Variants in ADGRB3 observed in about 807,000 individuals in gnomAD.
The protein encoded by ADGRB3 is adhesion G protein-coupled receptor B3.
A neutral mutation model predicts 193.4 loss-of-function variants in ADGRB3; 37 were observed. That is an observed-to-expected ratio of 0.19 (90% confidence interval 0.15 to 0.25). ADGRB3 has a LOEUF of 0.25. ADGRB3 is among the 10% of genes least tolerant of loss of function. The pLI is 1.00. For synonymous variants in ADGRB3, 690 were observed against 644.2 expected, an observed-to-expected ratio of 1.07 and a Z score of -1.08; for missense variants, 1,637 against 1,852.9, an observed-to-expected ratio of 0.88 and a Z score of 2.14.
chr6:69,368,028 G>A (rs1272984529), intron 29 of ADGRB3, among the ~76,000 whole-genome samples: 1 of 150,856 alleles, frequency 6.6e-6, no homozygotes, highest in Non-Finnish European at 1.5e-5. Context: ...ACAGCATTGG[G>A]AGATATACCT....
chr6:68,916,808 G>T (rs1766890878), intron 3 of ADGRB3, among the ~76,000 whole-genome samples: 1 of 152,156 alleles, frequency 6.6e-6, no homozygotes, highest in South Asian at 2.1e-4. Flanking sequence ...TTAGAGCATG[G>T]TATGAAAGAT....
chr6:68,703,390 T>C (rs1298803308), intron 3 of ADGRB3, among the ~76,000 whole-genome samples: 1 of 152,168 alleles, frequency 6.6e-6, no homozygotes, highest in Non-Finnish European at 1.5e-5. Context: ...TTTTGAAATT[T>C]TGAGCGTATC....
intron 17 of ADGRB3, among the ~76,000 whole-genome samples, chr6:69,186,557 AAAG>A (rs942209433): frequency 2.8e-4 from 42 of 152,268 alleles, no homozygotes; most frequent in African/African-American, 5.3e-4. Flanking sequence ...AAGAAAAAAA[AAAG>A]AAGAAGAAAA....
intron 17 of ADGRB3, among the ~76,000 whole-genome samples, chr6:69,181,283 A>G (rs1037659794): frequency 6.6e-6 from 1 of 151,632 alleles, no homozygotes; most frequent in African/African-American, 2.4e-5. Flanking sequence ...TCTAATCACT[A>G]TCTTGAAAAA....
chr6:68,841,247 A>G (rs1046562248), intron 3 of ADGRB3, among the ~76,000 whole-genome samples: 9 of 152,194 alleles, frequency 5.9e-5, no homozygotes. Context: ...GATAGAACAC[A>G]TGGACCTAAT....
At chr6:68,789,029 A>C (rs1767041394) in intron 3 of ADGRB3, among the ~76,000 whole-genome samples, 1 of 151,652 alleles carries the variant, frequency 6.6e-6, no homozygotes, top group Non-Finnish European at 1.5e-5. Flanking sequence ...CCATCCCTTT[A>C]TTTTGAGCCT....
chr6:69,232,506 G>T (rs1387961921), intron 17 of ADGRB3: 1 of 1,535,424 alleles, frequency 6.5e-7, no homozygotes, highest in African/African-American at 1.4e-5. Flanking sequence ...TCCTCTGAAT[G>T]TTCTAGCGGA....
At chr6:69,167,227 G>A (rs937514905) in intron 17 of ADGRB3, among the ~76,000 whole-genome samples, 3 of 152,122 alleles carry the variant, frequency 2.0e-5, no homozygotes, top group Non-Finnish European at 2.9e-5. Flanking sequence ...AGTATAGAGA[G>A]AAATGGTCTA....
intron 6 of ADGRB3, among the ~76,000 whole-genome samples, chr6:68,955,324 C>G (rs1279039524): frequency 6.6e-6 from 1 of 152,194 alleles, no homozygotes; most frequent in Non-Finnish European, 1.5e-5. Flanking sequence ...ATTGATTTAT[C>G]TAGCATGTAA....
intron 3 of ADGRB3, among the ~76,000 whole-genome samples, chr6:68,882,980 G>A (rs1582280847): frequency 6.6e-6 from 1 of 152,040 alleles, no homozygotes; most frequent in East Asian, 1.9e-4. Context: ...TGCAAGCTCT[G>A]CTTCCTGGGT....
rs374234790 is a variant in ADGRB3 at position 69,256,819 on chromosome 6, T to A, written c.2814+17593T>A. Among the ~76,000 whole-genome samples the A allele has an allele frequency of 2.4e-4, 36 of 152,338 alleles. No homozygotes were observed. The South Asian group carries it at 3.5e-3, about 15-fold the overall frequency. ...GAATGCTTCCAGTTTTTGCCCATTC[T>A]GTATGATATTGGCTGTGGGTTTATC... On this transcript the variant is annotated intron_variant, in intron 20 of 31. Coordinates refer to ENST00000370598, the MANE Select transcript of ADGRB3 (RefSeq NM_001704.3).
intron 3 of ADGRB3, among the ~76,000 whole-genome samples, chr6:68,660,309 ATCTT>A (rs1464985919): frequency 1.3e-5 from 2 of 150,052 alleles, no homozygotes; most frequent in African/African-American, 4.9e-5. Context: ...TTTTTAGTGA[ATCTT>A]TTTTATGTAT....
chr6:69,189,420 T>C (rs1214866273), intron 17 of ADGRB3, among the ~76,000 whole-genome samples: 1 of 152,222 alleles, frequency 6.6e-6, no homozygotes, highest in African/African-American at 2.4e-5. Flanking sequence ...AGATTTTGAA[T>C]CAGTGATGAA....
At chr6:68,878,559 T>C (rs1459790512) in intron 3 of ADGRB3, among the ~76,000 whole-genome samples, 1 of 152,244 alleles carries the variant, frequency 6.6e-6, no homozygotes, top group African/African-American at 2.4e-5. Context: ...TCAGTATCTA[T>C]AAACATCCTT....
chr6:68,940,621 C>T (rs752342308), intron 5 of ADGRB3, among the ~76,000 whole-genome samples: 5 of 125,604 alleles, frequency 4.0e-5, no homozygotes, highest in South Asian at 2.8e-4. Flanking sequence ...AAAACCTAGC[C>T]GGGTGCGGTG....
intron 10 of ADGRB3, among the ~76,000 whole-genome samples, chr6:68,981,845 G>GTTATTTCT (rs1554232929): frequency 7.2e-6 from 1 of 139,662 alleles, no homozygotes; most frequent in Non-Finnish European, 1.6e-5. Flanking sequence ...TACCTATTTT[G>GTTATTTCT]TTATTTATTT....
intron 3 of ADGRB3, among the ~76,000 whole-genome samples, chr6:68,833,225 G>T (rs1767986080): frequency 6.6e-6 from 1 of 151,810 alleles, no homozygotes; most frequent in South Asian, 2.1e-4. Context: ...TTTTAATAAA[G>T]TTATTTTTAA....
intron 3 of ADGRB3, among the ~76,000 whole-genome samples, chr6:68,799,238 G>A (rs1416128530): frequency 1.3e-5 from 2 of 152,110 alleles, no homozygotes; most frequent in African/African-American, 4.8e-5. Flanking sequence ...CTGTAACAGT[G>A]CCATAAGGAA....
rs574319252 is a variant in ADGRB3 at position 68,813,701 on chromosome 6, C to A, written c.758-116858C>A. Among the ~76,000 whole-genome samples the A allele has an allele frequency of 8.9e-4, 136 of 152,186 alleles. 1 individual carries two copies. Among genetic ancestry groups the A allele is most frequent in the African/African-American group, 3.2e-3 (133 of 41,542 alleles). ...AGGTATATCTCCTAATGCTATCCCTCCCCACTCCCCTCATCCCACAACAGG... is the reference window on the plus strand; with the variant it reads ...AGGTATATCTCCTAATGCTATCCCTACCCACTCCCCTCATCCCACAACAGG... On this transcript the variant is annotated intron_variant, in intron 3 of 31. Transcript: ENST00000370598.
Sources: gnomAD v4.1 joint callset for allele counts (sites outside exome capture counted in the v4.1 genomes callset) on GRCh38, gnomAD v4.1.1 for gene constraint, MANE v1.5 for transcripts, NCBI Gene and HGNC (gene_info 2026-07-23, HGNC 2026-07-21) for gene names.